Variants in JMJD1C observed in about 807,000 individuals in gnomAD.
The protein encoded by JMJD1C is jumonji domain containing 1C.
A neutral mutation model predicts 245.3 loss-of-function variants in JMJD1C; 31 were observed. The ratio of observed to expected loss-of-function variants is 0.13; its 90% CI spans 0.09 to 0.17. The LOEUF (loss-of-function observed/expected upper bound fraction) is 0.17, where lower values mean the gene tolerates loss of function less well. JMJD1C is among the 10% of genes least tolerant of loss of function. The pLI is 1.00. For missense variants in JMJD1C, 2,691 were observed against 3,000.2 expected, an observed-to-expected ratio of 0.90 and a Z score of 2.41; for synonymous variants, 1,057 against 1,017.4, an observed-to-expected ratio of 1.04 and a Z score of -0.74.
At chr10:63,488,103 C>T (rs573245825) in intron 1 of JMJD1C, among the ~76,000 whole-genome samples, 1 of 152,098 alleles carries the variant, frequency 6.6e-6, no homozygotes, top group Admixed American at 6.5e-5. Flanking sequence ...CCATGACTTA[C>T]AAAAAAATGG....
At chr10:63,479,744 T>C (rs1399100540) in intron 1 of JMJD1C, among the ~76,000 whole-genome samples, 3 of 152,196 alleles carry the variant, frequency 2.0e-5, no homozygotes, top group Non-Finnish European at 4.4e-5. Flanking sequence ...AAATAGTCCA[T>C]AATAGTCCAT....
chr10:63,429,726 C>T (rs1055109354), intron 1 of JMJD1C, among the ~76,000 whole-genome samples: 2 of 152,014 alleles, frequency 1.3e-5, no homozygotes, highest in African/African-American at 4.8e-5. Flanking sequence ...AATAAAAAAC[C>T]AAAGCAAAAA....
At chr10:63,510,712 G>T (rs1268253498) in intron 1 of JMJD1C, among the ~76,000 whole-genome samples, 2 of 152,164 alleles carry the variant, frequency 1.3e-5, no homozygotes, top group Non-Finnish European at 2.9e-5. Context: ...CCAGTTGATT[G>T]ATACTGCTAT....
At chr10:63,204,569 A>G (rs1846382204) in intron 10 of JMJD1C, 3 of 985,442 alleles carry the variant, frequency 3.0e-6, no homozygotes, top group Non-Finnish European at 3.6e-6. Flanking sequence ...ACAGAAGAGA[A>G]ACAATTAAAT....
chr10:63,519,667 TG>T (rs1462219537), intron 1 of JMJD1C, among the ~76,000 whole-genome samples: 1 of 152,202 alleles, frequency 6.6e-6, no homozygotes, highest in African/African-American at 2.4e-5. Context: ...GATGTCTTCA[TG>T]GCACAGGCCA....
intron 2 of JMJD1C, among the ~76,000 whole-genome samples, chr10:63,315,860 CG>C (rs1239888526): frequency 6.5e-5 from 9 of 138,432 alleles, no homozygotes; most frequent in Non-Finnish European, 9.3e-5. Flanking sequence ...AAAAACACCA[CG>C]AAAAAAAAAA....
chr10:63,306,417 T>G (rs994159703), intron 2 of JMJD1C, among the ~76,000 whole-genome samples: 2 of 152,184 alleles, frequency 1.3e-5, no homozygotes, highest in Non-Finnish European at 2.9e-5. Flanking sequence ...ACTTTTAGAT[T>G]AATTTTTGGA....
At chr10:63,457,064 T>C (rs946479433) in intron 1 of JMJD1C, among the ~76,000 whole-genome samples, 36 of 152,208 alleles carry the variant, frequency 2.4e-4, no homozygotes, top group African/African-American at 8.0e-4. Flanking sequence ...TGCTGACTTA[T>C]GAAAAACTGC....
chr10:63,207,958 T>G lies in JMJD1C; in HGVS notation c.3711A>C (p.Pro1237=). 6.2e-7 allele frequency: 1 copy of G among 1,614,188 alleles called. No homozygotes were observed. Among genetic ancestry groups the G allele is most frequent in the Non-Finnish European group, 8.5e-7 (1 of 1,180,008 alleles). The change falls in exon 10 of 26, where the codon CCA becomes CCC. Residue 1237 remains proline, a synonymous_variant. Coordinates refer to ENST00000399262, the MANE Select transcript of JMJD1C (RefSeq NM_032776.3). The part of the protein sequence containing the change: ...LSPPTLTPVM[P]VNAGGKVQES... Reference sequence around the variant, plus strand: ...CTTGAACTTTACCACCAGCATTTACTGGCATCACCGGAGTTAAAGTTGGAG... The same window carrying G: ...CTTGAACTTTACCACCAGCATTTACGGGCATCACCGGAGTTAAAGTTGGAG...
intron 23 of JMJD1C, 150 bp downstream of exon 23, chr10:63,177,567 A>G: frequency 1.4e-6 from 1 of 731,344 alleles, no homozygotes; most frequent in South Asian, 1.7e-5. Context: ...CAAGAGAAAC[A>G]GGGTTTTGAC....
intron 1 of JMJD1C, chr10:63,521,311 G>C (rs1955222067): frequency 6.3e-3 from 1 of 158 alleles, no homozygotes. Flanking sequence ...GGGGCGGGGT[G>C]CTGTCCGGAC....
At chr10:63,484,439 T>C (rs955024417) in intron 1 of JMJD1C, among the ~76,000 whole-genome samples, 1 of 152,306 alleles carries the variant, frequency 6.6e-6, no homozygotes, top group Admixed American at 6.5e-5. Context: ...TATGTAACTT[T>C]TCCAAATATA....
chr10:63,472,132 T>G (rs1953509644), intron 1 of JMJD1C, among the ~76,000 whole-genome samples: 1 of 152,140 alleles, frequency 6.6e-6, no homozygotes, highest in Non-Finnish European at 1.5e-5. Flanking sequence ...AACTTTTGAA[T>G]TGACACTTTT....
At chr10:63,225,925 T>A (rs2133341789) in intron 3 of JMJD1C, among the ~76,000 whole-genome samples, 1 of 152,260 alleles carries the variant, frequency 6.6e-6, no homozygotes, top group South Asian at 2.1e-4. Flanking sequence ...AAGCAGGAAG[T>A]GACAGAGCTG....
At chr10:63,363,481 C>T (rs947623904) in intron 2 of JMJD1C, among the ~76,000 whole-genome samples, 2 of 151,728 alleles carry the variant, frequency 1.3e-5, no homozygotes, top group Non-Finnish European at 2.9e-5. Context: ...TGGCTGAGAA[C>T]TCATGAGTTC....
intron 2 of JMJD1C, among the ~76,000 whole-genome samples, chr10:63,302,999 A>G (rs1589427051): frequency 6.6e-6 from 1 of 152,106 alleles, no homozygotes; most frequent in African/African-American, 2.4e-5. Flanking sequence ...TCCTCCCACC[A>G]CAGCCTCTCC....
At chr10:63,300,175 G>A (rs1390121803) in intron 2 of JMJD1C, among the ~76,000 whole-genome samples, 1 of 152,130 alleles carries the variant, frequency 6.6e-6, no homozygotes, top group Non-Finnish European at 1.5e-5. Flanking sequence ...AATACACTCA[G>A]GCAGTCTGGT....
At chr10:63,223,353 G>T (rs1848854046) in intron 3 of JMJD1C, among the ~76,000 whole-genome samples, 1 of 151,096 alleles carries the variant, frequency 6.6e-6, no homozygotes, top group East Asian at 2.0e-4. Context: ...TCAGCTTCCT[G>T]AGTAGCTGGG....
chr10:63,349,383 A>G (rs1944144774), intron 2 of JMJD1C, among the ~76,000 whole-genome samples: 1 of 152,242 alleles, frequency 6.6e-6, no homozygotes, highest in African/African-American at 2.4e-5. Context: ...GAAGTTATCG[A>G]TACCAGTTTT....
Sources: allele counts gnomAD v4.1 joint callset (sites outside exome capture counted in the v4.1 genomes callset), GRCh38; gene constraint gnomAD v4.1.1; transcripts MANE v1.5; gene names NCBI Gene and HGNC (gene_info 2026-07-23, HGNC 2026-07-21).